IMMP2L: variants seen among roughly 807,000 people sequenced by gnomAD.
IMMP2L encodes mitochondrial inner membrane protease subunit 2.
Under a neutral mutation model 19.3 loss-of-function variants are expected in IMMP2L, and 18 were observed. The observed-to-expected ratio is 0.93, with a 90% CI of 0.64 to 1.38. The LOEUF is 1.38. Among genes scored for constraint, IMMP2L ranks in the 40% most tolerant of loss-of-function variants. The pLI, the probability that IMMP2L is intolerant of heterozygous loss-of-function variation, is 0.00. For missense variants in IMMP2L, 233 were observed against 218.2 expected (o/e 1.07, Z -0.43); for synonymous variants, 76 against 73.0 (o/e 1.04, Z -0.21).
chr7:110,863,158 G>T (rs2129543013), intron 5 of IMMP2L, among the ~76,000 whole-genome samples: 1 of 152,218 alleles, frequency 6.6e-6, no homozygotes, highest in South Asian at 2.1e-4. Context: ...TAACATTTCA[G>T]ACCCTCCACA....
intron 2 of IMMP2L, among the ~76,000 whole-genome samples, chr7:111,494,913 G>A (rs1203814574): frequency 1.3e-5 from 2 of 152,120 alleles, no homozygotes; most frequent in South Asian, 2.1e-4. Flanking sequence ...AAGTATTCAG[G>A]CAGAAAATTC....
chr7:111,345,584 T>C (rs1827457608), intron 3 of IMMP2L, among the ~76,000 whole-genome samples: 2 of 152,136 alleles, frequency 1.3e-5, no homozygotes, highest in Admixed American at 6.6e-5. Flanking sequence ...CTGTAAATGG[T>C]CCAGGTGGAA....
intron 3 of IMMP2L, among the ~76,000 whole-genome samples, chr7:111,381,728 T>C (rs1445371113): frequency 2.0e-5 from 3 of 151,950 alleles, no homozygotes; most frequent in Admixed American, 2.0e-4. Context: ...ACTTGGTGAC[T>C]GACTGAGTAT....
chr7:111,544,735 G>C (rs1848767383), intron 1 of IMMP2L, among the ~76,000 whole-genome samples: 1 of 151,678 alleles, frequency 6.6e-6, no homozygotes, highest in Non-Finnish European at 1.5e-5. Flanking sequence ...TGAGAGAAAA[G>C]CAGCTGAGAA....
At chr7:111,013,460 T>C (rs1265885676) in intron 3 of IMMP2L, among the ~76,000 whole-genome samples, 2 of 151,984 alleles carry the variant, frequency 1.3e-5, no homozygotes. Context: ...AAGAATTGGG[T>C]GACTGCCTGG....
intron 3 of IMMP2L, among the ~76,000 whole-genome samples, chr7:111,383,266 A>G (rs17158544): frequency 0.047 from 7,160 of 152,210 alleles, 588 homozygotes; most frequent in African/African-American, 0.16. Flanking sequence ...TAAACCTTTT[A>G]GATGAAGTTA....
chr7:111,176,143 A>G lies in IMMP2L; in HGVS notation c.240-212578T>C, dbSNP rs146603324. On this transcript the variant is annotated intron_variant, in intron 3 of 5. Transcript: ENST00000405709. ...TAATGCTGGCAAAGATGTGAAGAAAAGGAAACCCTTGTGCACTGCTGGTGG... is the reference window on the plus strand; with the variant it reads ...TAATGCTGGCAAAGATGTGAAGAAAGGGAAACCCTTGTGCACTGCTGGTGG... Among the ~76,000 whole-genome samples, 4 of 152,120 alleles carry G rather than the reference A, an allele frequency of 2.6e-5. No homozygotes were observed. In the East Asian group the frequency reaches 7.8e-4, roughly 30 times the overall value.
chr7:111,148,949 C>A (rs917346264), intron 3 of IMMP2L, among the ~76,000 whole-genome samples: 8 of 151,884 alleles, frequency 5.3e-5, no homozygotes, highest in African/African-American at 1.5e-4. Flanking sequence ...AAAACTAAAA[C>A]AGAGATAACT....
At chr7:111,550,212 C>T (rs1452499365) in intron 1 of IMMP2L, among the ~76,000 whole-genome samples, 1 of 152,034 alleles carries the variant, frequency 6.6e-6, no homozygotes, top group Non-Finnish European at 1.5e-5. Flanking sequence ...AAAAAGGCTA[C>T]ATACTGTATG....
intron 5 of IMMP2L, among the ~76,000 whole-genome samples, chr7:110,868,943 G>A (rs573158816): frequency 6.6e-6 from 1 of 150,748 alleles, no homozygotes; most frequent in South Asian, 2.1e-4. Context: ...AAAAAAAAAA[G>A]AGGGAGACTC....
In IMMP2L at chr7:110,907,058, G is replaced by T. The variant is rs566381155; in HGVS notation, c.306-20363C>A. On this transcript the variant is annotated intron_variant, in intron 4 of 5. Transcript: ENST00000405709. Reference sequence around the variant, plus strand: ...AGCAGCATTAGGCAAGGGCAGTGGGGGGGATGGGGGTTGGGGGTGCCCACG... The same window carrying T: ...AGCAGCATTAGGCAAGGGCAGTGGGTGGGATGGGGGTTGGGGGTGCCCACG... Among the ~76,000 whole-genome samples the T allele has an allele frequency of 4.9e-4, 75 of 152,234 alleles. No individual in the cohort carries two copies. The South Asian group carries it at 8.3e-3, about 17-fold the overall frequency.
intron 4 of IMMP2L, among the ~76,000 whole-genome samples, chr7:110,905,580 G>C (rs1289028121): frequency 6.6e-6 from 1 of 152,094 alleles, no homozygotes; most frequent in African/African-American, 2.4e-5. Flanking sequence ...ATCAGGTAAA[G>C]AAGTTTAGGA....
At chr7:111,555,260 C>A (rs900577245) in intron 1 of IMMP2L, among the ~76,000 whole-genome samples, 1 of 152,038 alleles carries the variant, frequency 6.6e-6, no homozygotes, top group Non-Finnish European at 1.5e-5. Flanking sequence ...GGAGTTTTTA[C>A]GCACAACTGG....
intron 5 of IMMP2L, among the ~76,000 whole-genome samples, chr7:110,843,719 T>C (rs955411521): frequency 1.3e-5 from 2 of 152,116 alleles, no homozygotes; most frequent in African/African-American, 4.8e-5. Flanking sequence ...CAATGTGACA[T>C]GATAGCAGGA....
chr7:110,678,603 T>G (rs541859212), intron 5 of IMMP2L, among the ~76,000 whole-genome samples: 1 of 152,168 alleles, frequency 6.6e-6, no homozygotes, highest in South Asian at 2.1e-4. Context: ...GAAAGACAGA[T>G]GTTTAAACAA....
chr7:111,471,507 G>T (rs2132110224), intron 3 of IMMP2L, among the ~76,000 whole-genome samples: 1 of 152,106 alleles, frequency 6.6e-6, no homozygotes, highest in Non-Finnish European at 1.5e-5. Flanking sequence ...TCCAAACTGA[G>T]ATGTGCCAAA....
In IMMP2L at chr7:111,194,961, A is replaced by G. The variant is rs529900308; in HGVS notation, c.240-231396T>C. Among the ~76,000 whole-genome samples, 9 of 152,194 alleles carry G rather than the reference A, an allele frequency of 5.9e-5. No homozygotes were observed. The South Asian group carries it at 1.9e-3, about 32-fold the overall frequency. The stretch of plus-strand genomic sequence containing the variant: ...ATTTTACTTATCGTTTTCATAGATG[A>G]TTTTCCATAAGCAGAAATGTGTTTC... On this transcript the variant is annotated intron_variant, in intron 3 of 5. Coordinates refer to ENST00000405709, the MANE Select transcript of IMMP2L (RefSeq NM_032549.4).
At chr7:111,138,036 C>T (rs551902850) in intron 3 of IMMP2L, among the ~76,000 whole-genome samples, 35 of 152,166 alleles carry the variant, frequency 2.3e-4, no homozygotes, top group East Asian at 7.7e-4. Flanking sequence ...CCCCATGTTG[C>T]GCAGGCTGGT....
chr7:111,144,529 A>G (rs1414473365), intron 3 of IMMP2L, among the ~76,000 whole-genome samples: 1 of 152,142 alleles, frequency 6.6e-6, no homozygotes, highest in Non-Finnish European at 1.5e-5. Context: ...AAGTGACAGG[A>G]TCATCCTTTG....
Sources: allele counts gnomAD v4.1 joint callset (sites outside exome capture counted in the v4.1 genomes callset), GRCh38; gene constraint gnomAD v4.1.1; transcripts MANE v1.5; gene names NCBI Gene and HGNC (gene_info 2026-07-23, HGNC 2026-07-21).